The following LINGO2 variants were observed in gnomAD, a reference collection of about 807,000 sequenced individuals.
LINGO2 encodes leucine-rich repeat and immunoglobulin-like domain-containing nogo receptor-interacting protein 2.
LINGO2 carries 14 observed loss-of-function variants against 30.6 expected under a neutral mutation model. That is an observed-to-expected ratio of 0.46 (90% CI 0.30 to 0.72). The LOEUF (loss-of-function observed/expected upper bound fraction) is 0.72, where lower values mean the gene tolerates loss of function less well. LINGO2 is among the 30% of genes least tolerant of loss of function. The pLI is 0.07. For synonymous variants in LINGO2, 317 were observed against 288.5 expected (o/e 1.10, Z -1.00); for missense variants, 729 against 751.7 (o/e 0.97, Z 0.35).
chr9:28,885,018 ATATATG>A, the LINGO2 span, among the ~76,000 whole-genome samples: 2 of 105,238 alleles, frequency 1.9e-5, no homozygotes, highest in African/African-American at 3.7e-5. Flanking sequence ...ATATATATAT[ATATATG>A]GCTAAAGAAA....
the LINGO2 span, among the ~76,000 whole-genome samples, chr9:28,826,417 A>G: frequency 6.6e-6 from 1 of 152,172 alleles, no homozygotes; most frequent in African/African-American, 2.4e-5. Flanking sequence ...ACTCTGCTTC[A>G]GTGGGCCAGA....
chr9:29,108,623 T>C, the LINGO2 span, among the ~76,000 whole-genome samples: 1 of 152,206 alleles, frequency 6.6e-6, no homozygotes, highest in African/African-American at 2.4e-5. Context: ...TCAAATTAGA[T>C]CTCATTCCCT....
At chr9:29,138,071 A>C in the LINGO2 span, among the ~76,000 whole-genome samples, 2 of 152,032 alleles carry the variant, frequency 1.3e-5, no homozygotes, top group East Asian at 3.9e-4. Flanking sequence ...TAGTTTGCTT[A>C]TCAAAGCCAA....
intron 4 of LINGO2, among the ~76,000 whole-genome samples, chr9:28,200,449 A>G (rs901963511): frequency 2.0e-5 from 3 of 152,266 alleles, no homozygotes; most frequent in Admixed American, 2.0e-4. Flanking sequence ...GAACTGGGTC[A>G]TGTAGGTTAG....
chr9:29,160,803 G>A, the LINGO2 span, among the ~76,000 whole-genome samples: 3 of 152,184 alleles, frequency 2.0e-5, no homozygotes, highest in African/African-American at 7.2e-5. Context: ...GTGTGCTTTG[G>A]TCAAGATTAT....
the LINGO2 span, among the ~76,000 whole-genome samples, chr9:29,188,839 C>G: frequency 2.1e-5 from 2 of 97,436 alleles, no homozygotes; most frequent in African/African-American, 3.7e-5. Context: ...GCTGACCCCC[C>G]CGCCACCTTC....
intron 1 of LINGO2, among the ~76,000 whole-genome samples, chr9:28,564,516 A>G (rs1185776771): frequency 2.6e-5 from 4 of 152,078 alleles, no homozygotes; most frequent in Admixed American, 2.6e-4. Flanking sequence ...TTTGCCTTTC[A>G]TACAGCAAGC....
At chr9:28,103,446 T>C (rs982493141) in intron 4 of LINGO2, among the ~76,000 whole-genome samples, 1 of 152,120 alleles carries the variant, frequency 6.6e-6, no homozygotes, top group Admixed American at 6.6e-5. Context: ...CTTTGTCTGT[T>C]TCTATGTACT....
the LINGO2 span, among the ~76,000 whole-genome samples, chr9:28,890,752 C>T: frequency 6.6e-6 from 1 of 152,006 alleles, no homozygotes; most frequent in Admixed American, 6.6e-5. Context: ...TTCCAATTGA[C>T]AGTCAAGAAT....
the LINGO2 span, among the ~76,000 whole-genome samples, chr9:29,077,345 T>C: frequency 1.3e-5 from 2 of 152,048 alleles, no homozygotes; most frequent in Non-Finnish European, 2.9e-5. Flanking sequence ...AGTGACTTTT[T>C]TGAAATGTGC....
chr9:28,721,551 A>G, the LINGO2 span, among the ~76,000 whole-genome samples: 2 of 152,126 alleles, frequency 1.3e-5, no homozygotes, highest in African/African-American at 4.8e-5. Flanking sequence ...CAGAAAACTA[A>G]CACAGGAACA....
At chr9:28,059,834 T>C (rs1193578247) in intron 4 of LINGO2, among the ~76,000 whole-genome samples, 1 of 152,002 alleles carries the variant, frequency 6.6e-6, no homozygotes, top group East Asian at 1.9e-4. Context: ...TTGACGCTTC[T>C]AAACAATGGT....
rs1161458192 is a variant in LINGO2, at chr9:28,148,088, C to T, written c.-86-135683G>A. 3.1e-5 allele frequency: 34 copies of T among 1,103,096 alleles called. No individual in the cohort carries two copies. The highest frequency in any genetic ancestry group is 3.7e-5 in the Non-Finnish European group (33 of 880,920). The allele number at this position is 1,103,096 out of a possible 1,614,324, so 68.3% of individuals were successfully genotyped here. A position where few individuals can be genotyped will look rare whatever the true frequency, so the allele number is the denominator to read the frequency against. ...TGTCCATGAGGCCTTCCCAGCTGGC[C>T]GGGCTAACCCCGCGGCTCCTGCACC... On this transcript the variant is annotated intron_variant, in intron 4 of 5. Coordinates refer to ENST00000379992, the Ensembl canonical transcript of LINGO2. This position sits in a 1 kb window ranked among gnomAD's most constrained non-coding sequence, Gnocchi z 5.1.
intron 2 of LINGO2, among the ~76,000 whole-genome samples, chr9:28,422,056 CTT>C (rs1415394727): frequency 6.6e-6 from 1 of 151,914 alleles, no homozygotes; most frequent in African/African-American, 2.4e-5. Flanking sequence ...CTATAAAACT[CTT>C]TGAAGAAAAC....
At chr9:28,844,697 C>T in the LINGO2 span, among the ~76,000 whole-genome samples, 2 of 151,744 alleles carry the variant, frequency 1.3e-5, 1 homozygote, top group African/African-American at 4.9e-5. Flanking sequence ...GGGATCAGAA[C>T]ATCTACCATC....
At chr9:28,689,115 G>T in the LINGO2 span, among the ~76,000 whole-genome samples, 1 of 152,134 alleles carries the variant, frequency 6.6e-6, no homozygotes, top group Non-Finnish European at 1.5e-5. Flanking sequence ...GTCTGCTCTA[G>T]TCCTTTTCAT....
intron 4 of LINGO2, among the ~76,000 whole-genome samples, chr9:28,036,144 C>G (rs1823923935): frequency 6.6e-6 from 1 of 152,096 alleles, no homozygotes; most frequent in South Asian, 2.1e-4. Context: ...TATTAGAAGC[C>G]AAACCATCAC....
At chr9:28,655,906 G>A (rs905900498) in intron 1 of LINGO2, among the ~76,000 whole-genome samples, 1 of 152,014 alleles carries the variant, frequency 6.6e-6, no homozygotes, top group South Asian at 2.1e-4. Flanking sequence ...TATTAGCAAC[G>A]TGAGAACAGA....
the LINGO2 span, among the ~76,000 whole-genome samples, chr9:28,995,497 T>A: frequency 6.6e-6 from 1 of 152,182 alleles, no homozygotes; most frequent in Admixed American, 6.5e-5. Flanking sequence ...AAATACCATT[T>A]GACCCAGCCA....
Sources: gnomAD v4.1 joint callset for allele counts (sites outside exome capture counted in the v4.1 genomes callset) on GRCh38, gnomAD v4.1.1 for gene constraint, Gnocchi (gnomAD v3.1) non-coding constraint, MANE v1.5 for transcripts, NCBI Gene and HGNC (gene_info 2026-07-23, HGNC 2026-07-21) for gene names.